ASAP3: variants seen among roughly 807,000 people sequenced by gnomAD.
ASAP3 encodes ArfGAP with SH3 domain, ankyrin repeat and PH domain 3.
A neutral mutation model predicts 118.2 loss-of-function variants in ASAP3; 85 were observed. The ratio of observed to expected loss-of-function variants is 0.72; its 90% CI spans 0.60 to 0.86. The LOEUF (loss-of-function observed/expected upper bound fraction) is 0.86, where lower values mean the gene tolerates loss of function less well. Among genes scored for constraint, ASAP3 ranks in the 40% least tolerant of loss-of-function variants. The pLI is 0.00. For synonymous variants in ASAP3, 432 were observed against 477.4 expected, an observed-to-expected ratio of 0.90 and a Z score of 1.24; for missense variants, 1,026 against 1,175.0, an observed-to-expected ratio of 0.87 and a Z score of 1.85.
chr1:23,432,986 G>A (rs1039837579), intron 22 of ASAP3, 91 bp downstream of exon 22: 26 of 1,452,826 alleles, frequency 1.8e-5, no homozygotes, highest in African/African-American at 1.6e-4. Flanking sequence ...AGGATAGTAC[G>A]GACTAACATA....
At chr1:23,441,939 TCA>T (rs1640887020) in intron 7 of ASAP3, among the ~76,000 whole-genome samples, 2 of 152,158 alleles carry the variant, frequency 1.3e-5, no homozygotes, top group African/African-American at 4.8e-5. Context: ...AAAATAAGCC[TCA>T]GTTTTCTCAT....
At chr1:23,476,585 T>C (rs1642136103) in intron 1 of ASAP3, among the ~76,000 whole-genome samples, 1 of 152,202 alleles carries the variant, frequency 6.6e-6, no homozygotes, top group Non-Finnish European at 1.5e-5. Context: ...CAGCAACTGA[T>C]ATGATCTTTC....
chr1:23,436,722 C>A lies in ASAP3; in HGVS notation c.1477-68G>T. 6.3e-7 allele frequency: 1 copy of A among 1,596,512 alleles called. No homozygotes were observed. Among genetic ancestry groups the A allele is most frequent in the Non-Finnish European group, 8.6e-7 (1 of 1,165,740 alleles). On this transcript the variant is annotated intron_variant, in intron 15 of 24. Transcript: ENST00000336689. This position sits in a 1 kb window ranked among gnomAD's most constrained non-coding sequence, Gnocchi z 4.2. The stretch of plus-strand genomic sequence containing the variant: ...GCGGTTAAGCCTGCATAGGGTGGAG[C>A]TCCAAGCCCCCAGAGTCCCGCCCCT...
intron 1 of ASAP3, among the ~76,000 whole-genome samples, chr1:23,468,289 G>T (rs7554117): frequency 6.6e-6 from 1 of 152,070 alleles, no homozygotes; most frequent in Non-Finnish European, 1.5e-5. Context: ...CACTACTGAC[G>T]AGTATAAAAA....
intron 5 of ASAP3, among the ~76,000 whole-genome samples, chr1:23,447,904 G>A (rs1641098021): frequency 6.6e-6 from 1 of 152,070 alleles, no homozygotes; most frequent in African/African-American, 2.4e-5. Flanking sequence ...CTCAGCCTCA[G>A]CTAAGATAAT....
chr1:23,442,340 TC>T, intron 6 of ASAP3, 69 bp from the exon 7 acceptor site: 3 of 1,563,752 alleles, frequency 1.9e-6, no homozygotes, highest in East Asian at 4.6e-5. Flanking sequence ...GGGGCTGCAG[TC>T]CCCATCCCAG....
At chr1:23,432,695 C>G (rs180791261) in intron 22 of ASAP3, among the ~76,000 whole-genome samples, 1 of 152,372 alleles carries the variant, frequency 6.6e-6, no homozygotes, top group African/African-American at 2.4e-5. Context: ...CATTCTATAT[C>G]ACATTGTGCC....
intron 5 of ASAP3, among the ~76,000 whole-genome samples, chr1:23,445,394 G>C (rs1641018210): frequency 6.6e-6 from 1 of 152,068 alleles, no homozygotes; most frequent in South Asian, 2.1e-4. Flanking sequence ...AAAAGGTTGA[G>C]GTAGGAGGAT....
At chr1:23,478,810 C>T (rs1642215409) in intron 1 of ASAP3, among the ~76,000 whole-genome samples, 1 of 152,044 alleles carries the variant, frequency 6.6e-6, no homozygotes, top group South Asian at 2.1e-4. Context: ...CCTGAGTTTT[C>T]TAAAGGGGTT....
chr1:23,480,234 C>CA (rs753498392), intron 1 of ASAP3: 2 of 152,164 alleles, frequency 1.3e-5, no homozygotes, highest in Non-Finnish European at 2.9e-5. Flanking sequence ...AAAATATATA[C>CA]AAAACAAGCC....
chr1:23,450,027 T>C (rs1298829714), intron 5 of ASAP3, among the ~76,000 whole-genome samples: 38 of 152,352 alleles, frequency 2.5e-4, no homozygotes, highest in Non-Finnish European at 1.5e-5. Flanking sequence ...TGAGAGCAGA[T>C]GGCCGTGCCC....
At chr1:23,466,484 C>T (rs907401568) in intron 1 of ASAP3, among the ~76,000 whole-genome samples, 3 of 152,236 alleles carry the variant, frequency 2.0e-5, no homozygotes, top group African/African-American at 7.2e-5. Flanking sequence ...TAAATTCCAG[C>T]TGCTGGCACT....
intron 7 of ASAP3, among the ~76,000 whole-genome samples, 179 bp downstream of exon 7, chr1:23,442,007 A>C (rs993476572): frequency 1.3e-5 from 2 of 152,168 alleles, no homozygotes; most frequent in African/African-American, 4.8e-5. Context: ...GAATTGAGCG[A>C]ATTGATGTTT....
Position 23,431,037 on chromosome 1 carries a change from G to A in ASAP3, c.2635C>T (p.Pro879Ser), listed in dbSNP as rs1280286096. Residue 879 changes from proline (P) to serine (S), a missense_variant and splice_region_variant, in exon 24 of 25, where the codon CCG (proline) becomes TCG (serine). By Grantham distance (74) the Pro-to-Ser change is moderately conservative. Coordinates refer to ENST00000336689, the MANE Select transcript of ASAP3 (RefSeq NM_017707.4). ...AACCATGGTCCCAGAGTTCCTACCG[G>A]CACGTTCCTTCTGGGCAGAGGCTGC... The part of the protein sequence containing the change: ...ARQPLPRRNV[P>S]VGITEGDGSR... The A allele has an allele frequency of 1.9e-6, 3 of 1,578,150 alleles. No individual in the cohort carries two copies. The highest frequency in any genetic ancestry group is 2.6e-6 in the Non-Finnish European group (3 of 1,163,876).
rs1570326949 is a variant in ASAP3, at chr1:23,433,762, G to T, written c.1952-69C>A. 1.9e-6 allele frequency: 3 copies of T among 1,596,140 alleles called. 1 individual carries two copies. The Middle Eastern group carries it at 5.9e-4, about 314-fold the overall frequency. ...ACATTACAGCTTAGAGATTAAGACG[G>T]GCCTCTGGAATCAGAATGTATGGGT... On this transcript the variant is annotated intron_variant, in intron 19 of 24. Coordinates refer to ENST00000336689, the MANE Select transcript of ASAP3 (RefSeq NM_017707.4).
At chr1:23,451,367 G>A (rs1641208823) in intron 5 of ASAP3, 112 bp downstream of exon 5, 2 of 1,224,630 alleles carry the variant, frequency 1.6e-6, no homozygotes, top group Admixed American at 1.7e-5. Flanking sequence ...TGCCTCTACA[G>A]AGCCAGATGT....
At chr1:23,466,817 T>C (rs55858312) in intron 1 of ASAP3, among the ~76,000 whole-genome samples, 16,643 of 152,256 alleles carry the variant, frequency 0.11, 963 homozygotes, top group Non-Finnish European at 0.13. Flanking sequence ...CATTATAATA[T>C]AGTACATAGT....
intron 1 of ASAP3, among the ~76,000 whole-genome samples, chr1:23,469,540 A>G (rs1159238750): frequency 6.6e-6 from 1 of 152,192 alleles, no homozygotes; most frequent in African/African-American, 2.4e-5. Flanking sequence ...CTTGTCCCCC[A>G]GGCATGACAG....
chr1:23,449,244 G>A (rs974070186), intron 5 of ASAP3, among the ~76,000 whole-genome samples: 1 of 152,148 alleles, frequency 6.6e-6, no homozygotes, highest in Non-Finnish European at 1.5e-5. Flanking sequence ...ATAAATACTT[G>A]CTGAACTGAA....
Sources: allele counts gnomAD v4.1 joint callset (sites outside exome capture counted in the v4.1 genomes callset), GRCh38; gene constraint gnomAD v4.1.1; non-coding constraint Gnocchi (gnomAD v3.1); transcripts MANE v1.5; gene names NCBI Gene and HGNC (gene_info 2026-07-23, HGNC 2026-07-21).